PTPRC: variants seen among roughly 807,000 people sequenced by gnomAD.
The protein encoded by PTPRC is protein tyrosine phosphatase receptor type C.
Under a neutral mutation model 155.9 loss-of-function variants are expected in PTPRC, and 44 were observed. The ratio of observed to expected loss-of-function variants is 0.28; its 90% confidence interval spans 0.22 to 0.36. PTPRC has a LOEUF of 0.36. Among genes scored for constraint, PTPRC ranks in the 10% least tolerant of loss-of-function variants. The pLI is 1.00. For missense variants in PTPRC, 1,401 were observed against 1,564.6 expected (o/e 0.90, Z 1.76); for synonymous variants, 525 against 533.1 (o/e 0.98, Z 0.21).
At position 198,756,108 on chromosome 1, in the gene PTPRC, C is replaced by G. The variant is rs775293081; in HGVS notation, c.3848C>G (p.Pro1283Arg). The change falls in exon 33 of 33, where the codon CCC becomes CGC. Residue 1283 changes from proline to arginine, a missense_variant. By Grantham distance (103) the Pro-to-Arg change is moderately radical. This residue lies in a region of PTPRC where 400 missense variants were observed against 389.5 expected (regional missense o/e 1.03). Coordinates refer to ENST00000442510, the MANE Select transcript of PTPRC (RefSeq NM_002838.5). ...EAKEQAEGSE[P>R]TSGTEGPEHS... is the part of the protein sequence containing the mutation. The stretch of plus-strand genomic sequence containing the variant: ...AAGGAACAGGCTGAAGGTTCTGAAC[C>G]CACGAGTGGCACTGAGGGGCCAGAA... 17 of 1,613,292 alleles carry G rather than the reference C, an allele frequency of 1.1e-5. No homozygotes were observed. Among genetic ancestry groups the G allele is most frequent in the Non-Finnish European group, 1.4e-5 (17 of 1,179,682 alleles).
chr1:198,737,447 C>T (rs187154054), intron 23 of PTPRC, among the ~76,000 whole-genome samples: 1 of 151,674 alleles, frequency 6.6e-6, no homozygotes, highest in Admixed American at 6.6e-5. Context: ...ATTGTGGAGA[C>T]TGTCCTTTCC....
intron 2 of PTPRC, among the ~76,000 whole-genome samples, chr1:198,652,527 C>T (rs1042793521): frequency 6.6e-6 from 1 of 151,046 alleles, no homozygotes; most frequent in Non-Finnish European, 1.5e-5. Flanking sequence ...CTAAGTAATC[C>T]ATTTTCAGAT....
chr1:198,673,067 A>G (rs1248234842), intron 2 of PTPRC, among the ~76,000 whole-genome samples: 1 of 152,112 alleles, frequency 6.6e-6, no homozygotes, highest in African/African-American at 2.4e-5. Flanking sequence ...TCTGAAATGT[A>G]CTAGAATCTC....
chr1:198,744,251 A>G, intron 26 of PTPRC, 48 bp downstream of exon 26: 1 of 1,521,406 alleles, frequency 6.6e-7, no homozygotes, highest in Non-Finnish European at 9.0e-7. Context: ...ACTTTTATTC[A>G]GTGTCATCTA....
At chr1:198,716,628 G>C in intron 12 of PTPRC, 54 bp from the exon 13 acceptor site, 1 of 1,486,544 alleles carries the variant, frequency 6.7e-7, no homozygotes. Context: ...AATTAGGTAC[G>C]TGGTAGTACT....
At chr1:198,706,406 C>T (rs929951260) in intron 8 of PTPRC, among the ~76,000 whole-genome samples, 1 of 152,074 alleles carries the variant, frequency 6.6e-6, no homozygotes, top group Non-Finnish European at 1.5e-5. Context: ...AGTGAGTTCC[C>T]ATTAATGATA....
At chr1:198,652,534 A>T (rs1414800275) in intron 2 of PTPRC, among the ~76,000 whole-genome samples, 1 of 151,664 alleles carries the variant, frequency 6.6e-6, no homozygotes. Context: ...ATCCATTTTC[A>T]GATGTTAATC....
chr1:198,730,170 C>T (rs968358989), intron 17 of PTPRC, among the ~76,000 whole-genome samples: 7 of 152,016 alleles, frequency 4.6e-5, no homozygotes, highest in African/African-American at 1.5e-4. Context: ...AATGTACTTG[C>T]TTTCTCATGC....
At chr1:198,717,699 C>T (rs1653660770) in intron 13 of PTPRC, among the ~76,000 whole-genome samples, 1 of 152,124 alleles carries the variant, frequency 6.6e-6, no homozygotes, top group Non-Finnish European at 1.5e-5. Flanking sequence ...ACCAGGATAA[C>T]ATTAGCACTC....
At chr1:198,671,156 C>T (rs1664620606) in intron 2 of PTPRC, among the ~76,000 whole-genome samples, 1 of 151,084 alleles carries the variant, frequency 6.6e-6, no homozygotes, top group Admixed American at 6.6e-5. Flanking sequence ...AGTCTACACT[C>T]TCACTTTTCA....
At chr1:198,682,894 A>C (rs1665417624) in intron 2 of PTPRC, among the ~76,000 whole-genome samples, 1 of 152,174 alleles carries the variant, frequency 6.6e-6, no homozygotes. Context: ...ATAAGTTTTA[A>C]TGTGTGGTAC....
intron 23 of PTPRC, among the ~76,000 whole-genome samples, chr1:198,738,450 T>C (rs566937162): frequency 6.6e-6 from 1 of 152,040 alleles, no homozygotes; most frequent in Admixed American, 6.6e-5. Flanking sequence ...TGTATCACAA[T>C]AATTGATTTG....
At chr1:198,674,541 CAT>C (rs1482196632) in intron 2 of PTPRC, among the ~76,000 whole-genome samples, 3 of 147,858 alleles carry the variant, frequency 2.0e-5, no homozygotes, top group Non-Finnish European at 3.0e-5. Context: ...ATATATATAA[CAT>C]AATATATAAC....
chr1:198,699,272 A>G (rs897377737), intron 4 of PTPRC, among the ~76,000 whole-genome samples: 2 of 152,198 alleles, frequency 1.3e-5, no homozygotes, highest in African/African-American at 2.4e-5. Flanking sequence ...GAGTTGATGG[A>G]GAATTCAGAA....
chr1:198,727,894 T>A (rs1654211903), intron 15 of PTPRC, among the ~76,000 whole-genome samples: 2 of 152,112 alleles, frequency 1.3e-5, no homozygotes, highest in African/African-American at 4.8e-5. Flanking sequence ...GTAAGAGGGT[T>A]TATCTTTGTG....
At chr1:198,729,662 G>T (rs1654300285) in intron 17 of PTPRC, among the ~76,000 whole-genome samples, 1 of 152,174 alleles carries the variant, frequency 6.6e-6, no homozygotes, top group Non-Finnish European at 1.5e-5. Flanking sequence ...TGTACGCCAA[G>T]CATTGTGCCA....
chr1:198,680,296 T>C (rs918194020), intron 2 of PTPRC, among the ~76,000 whole-genome samples: 2 of 151,944 alleles, frequency 1.3e-5, no homozygotes, highest in African/African-American at 4.8e-5. Context: ...CTACTGAAAA[T>C]ACAAATATTA....
At chr1:198,700,999 A>G (rs558036092) in intron 5 of PTPRC, among the ~76,000 whole-genome samples, 1 of 152,156 alleles carries the variant, frequency 6.6e-6, no homozygotes, top group Non-Finnish European at 1.5e-5. Context: ...AGAAGGTGGA[A>G]AAAAGCTGAT....
chr1:198,641,904 A>T (rs1053923099), intron 2 of PTPRC, among the ~76,000 whole-genome samples: 1 of 152,088 alleles, frequency 6.6e-6, no homozygotes, highest in Non-Finnish European at 1.5e-5. Flanking sequence ...ATAAACATGG[A>T]CTGTGCCTTG....
Sources: gnomAD v4.1 joint callset for allele counts (sites outside exome capture counted in the v4.1 genomes callset) on GRCh38, gnomAD v4.1.1 for gene constraint, gnomAD v4.1.1 regional missense constraint, MANE v1.5 for transcripts, NCBI Gene and HGNC (gene_info 2026-07-23, HGNC 2026-07-21) for gene names.